ZFYVE28: variants seen among roughly 807,000 people sequenced by gnomAD.
The protein encoded by ZFYVE28 is lateral signaling target protein 2 homolog.
Under a neutral mutation model 82.1 loss-of-function variants are expected in ZFYVE28, and 40 were observed. That is an observed-to-expected ratio of 0.49 (90% CI 0.38 to 0.63). ZFYVE28 has a LOEUF of 0.63. Among genes scored for constraint, ZFYVE28 ranks in the 30% least tolerant of loss-of-function variants. The pLI, the probability that ZFYVE28 is intolerant of heterozygous loss-of-function variation, is 0.00. For synonymous variants in ZFYVE28, 612 were observed against 546.1 expected (o/e 1.12, Z -1.68); for missense variants, 1,321 against 1,242.1 (o/e 1.06, Z -0.96).
intron 8 of ZFYVE28, among the ~76,000 whole-genome samples, chr4:2,293,331 A>G (rs183768100): frequency 4.2e-4 from 64 of 152,334 alleles, no homozygotes; most frequent in African/African-American, 1.5e-3. Flanking sequence ...TAGGACGTAC[A>G]ATTGAAAACA....
chr4:2,353,932 C>T lies in ZFYVE28; in HGVS notation c.180+1G>A. The T allele has an allele frequency of 6.6e-7, 1 of 1,526,406 alleles. No individual in the cohort carries two copies. Among genetic ancestry groups the T allele is most frequent in the Non-Finnish European group, 8.8e-7 (1 of 1,133,180 alleles). The allele number at this position is 1,526,406 out of a possible 1,614,324, so 94.6% of individuals were successfully genotyped here. Reference sequence around the variant, plus strand: ...CCAGCTTCTGCTGCCCCGTGGCTCACCTGACAGGAGCGGAACTGGCTGACC... The same window carrying T: ...CCAGCTTCTGCTGCCCCGTGGCTCATCTGACAGGAGCGGAACTGGCTGACC... On this transcript the variant is annotated splice_donor_variant, in intron 2 of 12. Transcript: ENST00000290974. LOFTEE classifies it high-confidence loss of function.
chr4:2,283,516 A>C (rs577679324), intron 8 of ZFYVE28, among the ~76,000 whole-genome samples: 2 of 143,950 alleles, frequency 1.4e-5, no homozygotes, highest in East Asian at 4.2e-4. Context: ...CCACCCACCC[A>C]TCCATCTAAT....
intron 8 of ZFYVE28, among the ~76,000 whole-genome samples, chr4:2,283,600 A>ATCCATCCATCCG (rs1553815288): frequency 3.3e-5 from 5 of 152,112 alleles, no homozygotes; most frequent in African/African-American, 1.2e-4. Context: ...CCATCCATCC[A>ATCCATCCATCCG]TCCATCCACC....
Position 2,418,144 on chromosome 4 carries a change from T to G in ZFYVE28, c.39+141A>C. On this transcript the variant is annotated intron_variant, in intron 1 of 12. Transcript: ENST00000290974. The surrounding 1 kb of genome is among the most constrained non-coding windows in gnomAD (Gnocchi z 4.6). Reference sequence around the variant, plus strand: ...ATGAAGATCTGTCCAAGTCTTGGAGTGGAGGGAAGGATGTCGGCGGTGGGG... The same window carrying G: ...ATGAAGATCTGTCCAAGTCTTGGAGGGGAGGGAAGGATGTCGGCGGTGGGG... 3.1e-6 allele frequency: 2 copies of G among 642,220 alleles called. No individual in the cohort carries two copies. Among genetic ancestry groups the G allele is most frequent in the Non-Finnish European group, 4.7e-6 (2 of 422,756 alleles). 39.8% of individuals were successfully genotyped at this position (642,220 alleles called of 1,614,324 possible).
rs58958771 is a variant in ZFYVE28, at chr4:2,308,627, C to CAGAAAGAAAGAAAGAAAGAAAGAA, written c.804-3115_804-3092dup. Reference sequence around the variant, plus strand: ...GAGAGAGAGAAAGAAAGAAAGAAGACAGAAAGAAAGAAAGAAAGAAAGAAA... The same window carrying CAGAAAGAAAGAAAGAAAGAAAGAA: ...GAGAGAGAGAAAGAAAGAAAGAAGACAGAAAGAAAGAAAGAAAGAAAGAAAGAAAGAAAGAAAGAAAGAAAGAAA... On this transcript the variant is annotated intron_variant, in intron 7 of 12. Coordinates refer to ENST00000290974, the MANE Select transcript of ZFYVE28 (RefSeq NM_020972.3). 6.3e-4 allele frequency among the ~76,000 whole-genome samples: 50 copies of CAGAAAGAAAGAAAGAAAGAAAGAA among 79,580 alleles called. No individual in the cohort carries two copies. In the East Asian group the frequency reaches 6.4e-3, roughly 10 times the overall value. The allele number at this position is 79,580 out of a possible 152,430, so 52.2% of individuals were successfully genotyped here.
At chr4:2,414,488 G>A (rs1424160310) in intron 1 of ZFYVE28, among the ~76,000 whole-genome samples, 2 of 152,176 alleles carry the variant, frequency 1.3e-5, no homozygotes, top group African/African-American at 4.8e-5. Flanking sequence ...ACAAAGCGGG[G>A]GGACAAGAAA....
chr4:2,327,337 A>C, intron 6 of ZFYVE28, among the ~76,000 whole-genome samples: 1 of 139,336 alleles, frequency 7.2e-6, no homozygotes, highest in African/African-American at 2.7e-5. Context: ...AAACAGTAAC[A>C]ATTACACTTC....
chr4:2,358,558 C>G (rs1406295728), intron 1 of ZFYVE28, among the ~76,000 whole-genome samples: 1 of 152,184 alleles, frequency 6.6e-6, no homozygotes, highest in Non-Finnish European at 1.5e-5. Flanking sequence ...GGGCTCCCTG[C>G]CTTCCTCTTG....
At chr4:2,308,673 GAAAGAGAAAGAAAGA>G (rs1560182332) in intron 7 of ZFYVE28, among the ~76,000 whole-genome samples, 3 of 89,922 alleles carry the variant, frequency 3.3e-5, no homozygotes, top group Admixed American at 1.1e-4. Context: ...AAGAAAGAAA[GAAAGAGAAAGAAAGA>G]AAAGAAAAGA....
At chr4:2,336,682 G>A (rs892631561) in intron 5 of ZFYVE28, among the ~76,000 whole-genome samples, 1 of 151,698 alleles carries the variant, frequency 6.6e-6, no homozygotes, top group African/African-American at 2.4e-5. Flanking sequence ...GAGGATTGAG[G>A]AGGTGAGGAG....
At chr4:2,325,656 C>T (rs1338396337) in intron 6 of ZFYVE28, among the ~76,000 whole-genome samples, 2 of 127,692 alleles carry the variant, frequency 1.6e-5, no homozygotes, top group African/African-American at 5.9e-5. Context: ...GACTGTAATT[C>T]AATGGCGTGA....
chr4:2,279,551 G>A (rs1467181824), intron 8 of ZFYVE28, among the ~76,000 whole-genome samples: 1 of 152,178 alleles, frequency 6.6e-6, no homozygotes, highest in Non-Finnish European at 1.5e-5. Context: ...AGGCCAAGGT[G>A]GGCGGATCAC....
At chr4:2,393,574 G>A (rs989098153) in intron 1 of ZFYVE28, among the ~76,000 whole-genome samples, 1 of 152,198 alleles carries the variant, frequency 6.6e-6, no homozygotes, top group African/African-American at 2.4e-5. Flanking sequence ...CCTTCCAAAA[G>A]CTAGGTGGCA....
intron 6 of ZFYVE28, among the ~76,000 whole-genome samples, chr4:2,321,452 G>A (rs1430761654): frequency 6.6e-6 from 1 of 152,106 alleles, no homozygotes; most frequent in African/African-American, 2.4e-5. Context: ...TGCTGCCTCC[G>A]GGGCCCCTGT....
At chr4:2,290,748 C>G (rs2108810830) in intron 8 of ZFYVE28, among the ~76,000 whole-genome samples, 1 of 152,250 alleles carries the variant, frequency 6.6e-6, no homozygotes, top group South Asian at 2.1e-4. Flanking sequence ...CCTTGGGGTG[C>G]TCACCTGGCT....
rs886395628 is a variant in ZFYVE28, at chr4:2,339,834, C to T, written c.319-179G>A. Among the ~76,000 whole-genome samples the T allele has an allele frequency of 1.3e-5, 2 of 151,718 alleles. No homozygotes were observed. The highest frequency in any genetic ancestry group is 2.4e-5 in the African/African-American group (1 of 41,290). ...CTTACATTCAGAGCAATCGTGAGGG[C>T]GATAACCGATGTCCCCCAATGTGAC... On this transcript the variant is annotated intron_variant, in intron 3 of 12. Coordinates refer to ENST00000290974, the MANE Select transcript of ZFYVE28 (RefSeq NM_020972.3). This position sits in a 1 kb window ranked among gnomAD's most constrained non-coding sequence, Gnocchi z 5.0.
At chr4:2,321,828 C>A (rs1460623854) in intron 6 of ZFYVE28, among the ~76,000 whole-genome samples, 1 of 152,148 alleles carries the variant, frequency 6.6e-6, no homozygotes, top group Non-Finnish European at 1.5e-5. Context: ...AAACCTCGCT[C>A]CTGCCTGTGC....
At chr4:2,303,111 C>G (rs970150644) in intron 8 of ZFYVE28, among the ~76,000 whole-genome samples, 1 of 152,168 alleles carries the variant, frequency 6.6e-6, no homozygotes, top group Non-Finnish European at 1.5e-5. Flanking sequence ...ACACCGGGAA[C>G]CAGGCCCAGC....
At chr4:2,299,964 T>C (rs1715263332) in intron 8 of ZFYVE28, among the ~76,000 whole-genome samples, 1 of 152,052 alleles carries the variant, frequency 6.6e-6, no homozygotes, top group African/African-American at 2.4e-5. Flanking sequence ...ACCTGGCTAA[T>C]TTACTTTTAC....
Sources: allele counts gnomAD v4.1 joint callset (sites outside exome capture counted in the v4.1 genomes callset), GRCh38; gene constraint gnomAD v4.1.1; non-coding constraint Gnocchi (gnomAD v3.1); transcripts MANE v1.5; gene names NCBI Gene and HGNC (gene_info 2026-07-23, HGNC 2026-07-21).